The following LEPR variants were observed in gnomAD, a reference collection of about 807,000 sequenced individuals.
LEPR encodes leptin receptor.
LEPR carries 56 observed loss-of-function variants against 114.7 expected under a neutral mutation model. That is an observed-to-expected ratio of 0.49 (90% CI 0.39 to 0.61). The LOEUF (loss-of-function observed/expected upper bound fraction) is 0.61, where lower values mean the gene tolerates loss of function less well. Ranked by LOEUF, LEPR falls within the 20% of genes least tolerant of loss-of-function variation. The probability of loss-of-function intolerance (pLI) is 0.00; values close to 1 mark genes in which losing one functional copy is unlikely to be tolerated. For synonymous variants in LEPR, 443 were observed against 461.4 expected, an observed-to-expected ratio of 0.96 and a Z score of 0.51; for missense variants, 1,202 against 1,352.9, an observed-to-expected ratio of 0.89 and a Z score of 1.75.
Position 65,630,925 on chromosome 1 carries a change from CTGTGTTCCTTCTAGGTCG to C in LEPR, c.2674-5256_2674-5239del, listed in dbSNP as rs1658493779. Among the ~76,000 whole-genome samples, 5 of 152,094 alleles carry C rather than the reference CTGTGTTCCTTCTAGGTCG, an allele frequency of 3.3e-5. No homozygotes were observed. The South Asian group carries it at 1.0e-3, about 32-fold the overall frequency. On this transcript the variant is annotated intron_variant, in intron 19 of 19. Transcript: ENST00000349533. ...TCTTTTTTCTTCTATTCCCTGAATTCTGTGTTCCTTCTAGGTCGTGTGTTCCTGTTGTTTATCTTGGCC... is the reference window on the plus strand; with the variant it reads ...TCTTTTTTCTTCTATTCCCTGAATTCTGTGTTCCTGTTGTTTATCTTGGCC...
At chr1:65,607,307 T>A (rs573959309) in intron 11 of LEPR, among the ~76,000 whole-genome samples, 1 of 152,302 alleles carries the variant, frequency 6.6e-6, no homozygotes, top group South Asian at 2.1e-4. Context: ...GGGCCATCTC[T>A]CACTTTAGAT....
chr1:65,610,440 G>C (rs921094073), intron 14 of LEPR, 144 bp downstream of exon 14: 1 of 740,746 alleles, frequency 1.3e-6, no homozygotes, highest in Admixed American at 2.7e-5. Context: ...TTTAAAGAGA[G>C]CTAAGATGTA....
intron 2 of LEPR, among the ~76,000 whole-genome samples, chr1:65,441,089 A>G (rs1646643320): frequency 6.6e-6 from 1 of 152,216 alleles, no homozygotes; most frequent in Admixed American, 6.5e-5. Flanking sequence ...CTCTGTGGAG[A>G]TAAATTTAGC....
chr1:65,570,561 C>T lies in LEPR; in HGVS notation c.129C>T (p.Thr43=), dbSNP rs943843563. 39 of 1,614,004 alleles carry T rather than the reference C, an allele frequency of 2.4e-5. No individual in the cohort carries two copies. The highest frequency in any genetic ancestry group is 3.3e-5 in the Non-Finnish European group (39 of 1,179,948). The change falls in exon 4 of 20, where the codon ACC becomes ACT. Residue 43 remains threonine, a synonymous_variant. Coordinates refer to ENST00000349533, the MANE Select transcript of LEPR (RefSeq NM_002303.6). ...FKLSCMPPNS[T]YDYFLLPAGL... is the part of the protein sequence containing the mutation. The stretch of plus-strand genomic sequence containing the variant: ...TGTCTTGCATGCCACCAAATTCAAC[C>T]TATGACTACTTCCTTTTGCCTGCTG...
intron 2 of LEPR, among the ~76,000 whole-genome samples, chr1:65,519,942 C>A (rs932122810): frequency 6.6e-6 from 1 of 152,150 alleles, no homozygotes; most frequent in Non-Finnish European, 1.5e-5. Context: ...CAGCTCACTG[C>A]AACCTCCACC....
Position 65,592,857 on chromosome 1 carries a change from T to C in LEPR, c.695T>C (p.Ile232Thr), listed in dbSNP as rs200960432. The C allele has an allele frequency of 6.2e-7, 1 of 1,612,982 alleles. No homozygotes were observed. The highest frequency in any genetic ancestry group is 1.1e-5 in the South Asian group (1 of 91,058). Residue 232 changes from isoleucine (I) to threonine (T), a missense_variant, in exon 6 of 20, where the codon ATA becomes ACA. Physicochemically the swap from Ile to Thr is moderately conservative, Grantham distance 89 (BLOSUM62 -1). Transcript: ENST00000349533. ...FQSPLMSVQPINMVKPDPPLG... is the reference protein window; with the variant it reads ...FQSPLMSVQPTNMVKPDPPLG... The stretch of plus-strand genomic sequence containing the variant: ...TCACCTCTAATGTCAGTTCAGCCCA[T>C]AAATATGGGTAAGTTATGCACTAAA...
chr1:65,552,472 C>T (rs952894824), intron 2 of LEPR, among the ~76,000 whole-genome samples: 4 of 151,978 alleles, frequency 2.6e-5, no homozygotes, highest in African/African-American at 7.3e-5. Context: ...TCTTTTTTGT[C>T]TTTTTTGGTC....
At chr1:65,433,972 A>C (rs1410378867) in intron 2 of LEPR, 1 of 985,410 alleles carries the variant, frequency 1.0e-6, no homozygotes, top group East Asian at 1.1e-4. Context: ...TTGGTGTGCA[A>C]TAGCTTTTCT....
At chr1:65,432,065 T>G in intron 2 of LEPR, 2 of 1,357,524 alleles carry the variant, frequency 1.5e-6, no homozygotes, top group Non-Finnish European at 1.9e-6. Flanking sequence ...AAAGACTTCA[T>G]AAGTAGGAGA....
At chr1:65,571,279 G>A (rs10789184) in intron 4 of LEPR, among the ~76,000 whole-genome samples, 39,270 of 151,800 alleles carry the variant, frequency 0.26, 6,218 homozygotes, top group East Asian at 0.81. Flanking sequence ...AAACTGCTAT[G>A]GTACATGTTT....
At chr1:65,493,466 T>C (rs755134316) in intron 2 of LEPR, among the ~76,000 whole-genome samples, 2 of 152,156 alleles carry the variant, frequency 1.3e-5, no homozygotes, top group Non-Finnish European at 2.9e-5. Flanking sequence ...ATGCCAGGCT[T>C]TCCCTCTTTT....
chr1:65,636,613 G>A lies in LEPR; in HGVS notation c.3096G>A (p.Glu1032=). ...TCTCTAATAGCTCATGGGAGATAGA[G>A]GCCCAGGCATTTTTTATATTATCAG... ...DSFSNSSWEI[E]AQAFFILSDQ... The change falls in exon 20 of 20, where the codon GAG becomes GAA. Residue 1032 remains glutamate, a synonymous_variant. Transcript: ENST00000349533. The A allele has an allele frequency of 6.2e-7, 1 of 1,613,662 alleles. No individual in the cohort carries two copies. Among genetic ancestry groups the A allele is most frequent in the South Asian group, 1.1e-5 (1 of 91,032 alleles).
chr1:65,634,615 A>G (rs1416284285), intron 19 of LEPR: 2 of 963,474 alleles, frequency 2.1e-6, no homozygotes, highest in African/African-American at 1.8e-5. Flanking sequence ...TTTGCTTTCA[A>G]CAGTTACTGA....
intron 4 of LEPR, 150 bp downstream of exon 4, chr1:65,570,952 A>G (rs1219344304): frequency 9.0e-6 from 6 of 667,812 alleles, no homozygotes; most frequent in Non-Finnish European, 2.2e-6. Flanking sequence ...TGAACAAACT[A>G]ATAAATAATT....
At chr1:65,471,673 A>G (rs1647085074) in intron 2 of LEPR, among the ~76,000 whole-genome samples, 1 of 152,206 alleles carries the variant, frequency 6.6e-6, no homozygotes, top group Admixed American at 6.5e-5. Context: ...ACTTGCAAGC[A>G]AAGTTCTATA....
At chr1:65,446,085 T>G (rs930400162) in intron 2 of LEPR, among the ~76,000 whole-genome samples, 2 of 152,254 alleles carry the variant, frequency 1.3e-5, no homozygotes, top group Non-Finnish European at 2.9e-5. Context: ...TATTTTTATC[T>G]GATATACCAA....
At chr1:65,469,772 C>T (rs1647059666) in intron 2 of LEPR, among the ~76,000 whole-genome samples, 1 of 152,192 alleles carries the variant, frequency 6.6e-6, no homozygotes, top group South Asian at 2.1e-4. Context: ...TGGGCCCAGT[C>T]AACTGCTGTG....
chr1:65,597,623 A>G (rs1443125397), intron 7 of LEPR, among the ~76,000 whole-genome samples: 1 of 152,134 alleles, frequency 6.6e-6, no homozygotes, highest in African/African-American at 2.4e-5. Context: ...TGACAGCAGT[A>G]GTGGTTGAAT....
In LEPR at chr1:65,601,630, C is replaced by T; in HGVS notation, c.1233C>T (p.Tyr411=). The T allele has an allele frequency of 6.2e-7, 1 of 1,613,650 alleles. No individual in the cohort carries two copies. Among genetic ancestry groups the T allele is most frequent in the East Asian group, 2.2e-5 (1 of 44,842 alleles). ...PRGKFTYDAV[Y]CCNEHECHHR... The stretch of plus-strand genomic sequence containing the variant: ...GAAAGTTTACCTATGATGCAGTGTA[C>T]TGCTGCAATGAACATGAATGCCATC... Residue 411 remains tyrosine (Y), a synonymous_variant, in exon 9 of 20, where the codon TAC becomes TAT. Coordinates refer to ENST00000349533, the MANE Select transcript of LEPR (RefSeq NM_002303.6).
Sources: allele counts gnomAD v4.1 joint callset (sites outside exome capture counted in the v4.1 genomes callset), GRCh38; gene constraint gnomAD v4.1.1; transcripts MANE v1.5; gene names NCBI Gene and HGNC (gene_info 2026-07-23, HGNC 2026-07-21).